Variants in ATR observed in about 807,000 individuals in gnomAD.
ATR encodes serine/threonine-protein kinase ATR.
Under a neutral mutation model 305.3 loss-of-function variants are expected in ATR, and 142 were observed. The observed-to-expected ratio is 0.47, with a 90% confidence interval of 0.41 to 0.53. The LOEUF is 0.53. Ranked by LOEUF, ATR falls within the 20% of genes least tolerant of loss-of-function variation. ATR has a pLI of 0.00. For missense variants in ATR, 2,135 were observed against 3,133.1 expected, an observed-to-expected ratio of 0.68 and a Z score of 7.60; for synonymous variants, 1,050 against 1,068.1, an observed-to-expected ratio of 0.98 and a Z score of 0.33.
In ATR at chr3:142,541,802, C is replaced by T. The variant is rs186685628; in HGVS notation, c.3451-768G>A. 2.4e-4 allele frequency among the ~76,000 whole-genome samples: 36 copies of T among 151,800 alleles called. No homozygotes were observed. The East Asian group carries it at 6.4e-3, about 27-fold the overall frequency. ...GGGGGATTGAATTTACTAGTTGACA[C>T]CAAAAGAACAGGCATTGGTTGCTGA... On this transcript the variant is annotated intron_variant, in intron 17 of 46. Coordinates refer to ENST00000350721, the MANE Select transcript of ATR (RefSeq NM_001184.4).
intron 36 of ATR, among the ~76,000 whole-genome samples, chr3:142,477,212 T>TATG (rs531465676): frequency 0.073 from 11,017 of 151,542 alleles, 997 homozygotes; most frequent in African/African-American, 0.21. Flanking sequence ...GCCCATTCAG[T>TATG]ATATTGGCTG....
At chr3:142,543,184 G>T (rs759288336) in intron 16 of ATR, among the ~76,000 whole-genome samples, 1 of 152,032 alleles carries the variant, frequency 6.6e-6, no homozygotes, top group Non-Finnish European at 1.5e-5. Flanking sequence ...TTAAGGAAAA[G>T]GTATTCTACC....
intron 1 of ATR, among the ~76,000 whole-genome samples, chr3:142,574,767 G>T (rs537097483): frequency 1.1e-4 from 16 of 152,278 alleles, no homozygotes; most frequent in African/African-American, 3.8e-4. Flanking sequence ...ACTCAGCCCT[G>T]AGCAGGGCCC....
At chr3:142,459,457 T>C (rs2070978267) in intron 42 of ATR, 74 bp from the exon 43 acceptor site, 3 of 1,531,056 alleles carry the variant, frequency 2.0e-6, no homozygotes, top group Non-Finnish European at 2.7e-6. Context: ...TTGTTAAAAT[T>C]GGACAAGAAA....
chr3:142,525,444 T>C (rs2033336756), intron 21 of ATR, among the ~76,000 whole-genome samples: 1 of 152,180 alleles, frequency 6.6e-6, no homozygotes, highest in Non-Finnish European at 1.5e-5. Context: ...AAAACAACTT[T>C]GGTGACATTT....
intron 39 of ATR, 52 bp downstream of exon 39, chr3:142,467,882 A>ACC: frequency 6.3e-7 from 1 of 1,596,110 alleles, no homozygotes; most frequent in Non-Finnish European, 8.5e-7. Context: ...TGCTCAAATT[A>ACC]TATACATAAT....
intron 21 of ATR, among the ~76,000 whole-genome samples, chr3:142,524,752 G>C (rs1265396569): frequency 6.6e-6 from 1 of 152,122 alleles, no homozygotes; most frequent in Admixed American, 6.6e-5. Context: ...ATGGAAAAGA[G>C]GGAGGAAGAA....
chr3:142,542,034 G>A (rs527890453), intron 17 of ATR, among the ~76,000 whole-genome samples: 4 of 152,206 alleles, frequency 2.6e-5, no homozygotes, highest in South Asian at 2.1e-4. Context: ...TTTATAGGAC[G>A]AAAATTTCCA....
intron 18 of ATR, among the ~76,000 whole-genome samples, chr3:142,540,482 A>G (rs1164205175): frequency 6.6e-6 from 1 of 152,200 alleles, no homozygotes; most frequent in Non-Finnish European, 1.5e-5. Flanking sequence ...AGATATTTCT[A>G]TTAATCCTGC....
At position 142,562,644 on chromosome 3, in the gene ATR, G is replaced by C; in HGVS notation, c.758C>G (p.Thr253Arg). 6.2e-7 allele frequency: 1 copy of C among 1,614,060 alleles called. No homozygotes were observed. Residue 253 changes from threonine (T) to arginine (R), a missense_variant, in exon 4 of 47, where the codon ACA becomes AGA. Thr to Arg is a moderately conservative substitution (Grantham distance 71). Coordinates refer to ENST00000350721, the MANE Select transcript of ATR (RefSeq NM_001184.4). ...TAGTCCTCCAAGCTGAAAAAGTTCT[G>C]TTAAAAAGCTAATTGCTAGGGATTT... Reference protein sequence around the residue: ...KIKSLAISFLTELFQLGGLPA... With the variant: ...KIKSLAISFLRELFQLGGLPA...
intron 9 of ATR, 24 bp from the exon 10 acceptor site, chr3:142,556,163 C>G (rs773607770): frequency 6.2e-7 from 1 of 1,611,268 alleles, no homozygotes; most frequent in Non-Finnish European, 8.5e-7. Flanking sequence ...AGAAAAAGTA[C>G]TAAACTTTCT....
rs565264162 is a variant in ATR, at chr3:142,457,772, T to A, written c.7504-17A>T. The A allele has an allele frequency of 3.7e-4, 591 of 1,612,452 alleles. 4 individuals are homozygous for A. The South Asian group carries it at 6.0e-3, about 16-fold the overall frequency. On this transcript the variant is annotated splice_polypyrimidine_tract_variant and intron_variant, in intron 44 of 46. Coordinates refer to ENST00000350721, the MANE Select transcript of ATR (RefSeq NM_001184.4). ...GGTTTCTCCCTTAGAAACAATACAT[T>A]TTATTACAAACTAACAATGTTAGAA...
intron 36 of ATR, among the ~76,000 whole-genome samples, chr3:142,481,215 G>A (rs1049224232): frequency 2.0e-5 from 3 of 152,124 alleles, no homozygotes; most frequent in East Asian, 3.9e-4. Flanking sequence ...GTTCCTATTC[G>A]GCCATCTTGG....
At chr3:142,495,964 C>T (rs1285740908) in intron 34 of ATR, among the ~76,000 whole-genome samples, 1 of 151,818 alleles carries the variant, frequency 6.6e-6, no homozygotes, top group Non-Finnish European at 1.5e-5. Context: ...TATCTGCCAG[C>T]AACTAAGTGA....
intron 27 of ATR, 43 bp downstream of exon 27, chr3:142,512,217 A>G (rs748272019): frequency 7.6e-7 from 1 of 1,323,476 alleles, no homozygotes; most frequent in Non-Finnish European, 1.1e-6. Flanking sequence ...ATTGGTGAAT[A>G]GCTAAAAAAA....
At chr3:142,551,069 G>C (rs2034454211) in intron 13 of ATR, among the ~76,000 whole-genome samples, 1 of 152,164 alleles carries the variant, frequency 6.6e-6, no homozygotes, top group African/African-American at 2.4e-5. Flanking sequence ...TTACAGGTGT[G>C]AGTCACCACG....
chr3:142,512,497 T>A lies in ATR; in HGVS notation c.4642-27A>T, dbSNP rs565872767. On this transcript the variant is annotated intron_variant, in intron 26 of 46. Coordinates refer to ENST00000350721, the MANE Select transcript of ATR (RefSeq NM_001184.4). The stretch of plus-strand genomic sequence containing the variant: ...TATGAGAATCATTTATAATTAATAA[T>A]AATATCTATATAATACCATTTAACT... The A allele has an allele frequency of 4.7e-6, 7 of 1,498,874 alleles. No individual in the cohort carries two copies. The African/African-American group carries it at 5.6e-5, about 12-fold the overall frequency. The allele number at this position is 1,498,874 out of a possible 1,614,324, so 92.8% of individuals were successfully genotyped here. A position where few individuals can be genotyped will look rare whatever the true frequency, so the allele number is the denominator to read the frequency against.
At position 142,562,520 on chromosome 3, in the gene ATR, TG is replaced by T; in HGVS notation, c.881del (p.Pro294HisfsTer5). The T allele has an allele frequency of 6.2e-7, 1 of 1,613,900 alleles. No homozygotes were observed. The highest frequency in any genetic ancestry group is 1.3e-5 in the African/African-American group (1 of 75,002). ...DTDQLKLYEE[P>X]LSKLIKTLFP... Reference sequence around the variant, plus strand: ...ATAGTGTCTTTATCAGCTTTGATAATGGCTCTTCATAGAGTTTCAATTGGTC... The same window carrying T: ...ATAGTGTCTTTATCAGCTTTGATAATGCTCTTCATAGAGTTTCAATTGGTC... On this transcript the variant is annotated frameshift_variant, in exon 4 of 47. Coordinates refer to ENST00000350721, the MANE Select transcript of ATR (RefSeq NM_001184.4). LOFTEE classifies it high-confidence loss of function.
Position 142,457,549 on chromosome 3 carries a change from C to T in ATR, c.7655+55G>A, listed in dbSNP as rs554620139. 5.0e-6 allele frequency: 8 copies of T among 1,604,464 alleles called. No homozygotes were observed. The East Asian group carries it at 1.8e-4, about 36-fold the overall frequency. ...ACATAAAAACAAACATATGTAGGGG[C>T]CAATAATTATATTCGAGGTTACTGT... is the stretch of plus-strand genomic sequence containing the variant. On this transcript the variant is annotated intron_variant, in intron 45 of 46. Coordinates refer to ENST00000350721, the MANE Select transcript of ATR (RefSeq NM_001184.4).
Sources: gnomAD v4.1 joint callset for allele counts (sites outside exome capture counted in the v4.1 genomes callset) on GRCh38, gnomAD v4.1.1 for gene constraint, MANE v1.5 for transcripts, NCBI Gene and HGNC (gene_info 2026-07-23, HGNC 2026-07-21) for gene names.